Variants in SRP68 observed in about 807,000 individuals in gnomAD.
The protein encoded by SRP68 is signal recognition particle subunit SRP68.
SRP68 carries 15 observed loss-of-function variants against 82.2 expected under a neutral mutation model. The ratio of observed to expected loss-of-function variants is 0.18; its 90% CI spans 0.12 to 0.28. The LOEUF (loss-of-function observed/expected upper bound fraction) is 0.28, where lower values mean the gene tolerates loss of function less well. Among genes scored for constraint, SRP68 ranks in the 10% least tolerant of loss-of-function variants. SRP68 has a pLI of 1.00. For missense variants in SRP68, 595 were observed against 780.5 expected, an observed-to-expected ratio of 0.76 and a Z score of 2.83; for synonymous variants, 261 against 292.6, an observed-to-expected ratio of 0.89 and a Z score of 1.10.
chr17:76,055,869 G>GTGA (rs1375290081), intron 8 of SRP68, among the ~76,000 whole-genome samples: 2 of 135,362 alleles, frequency 1.5e-5, no homozygotes, highest in Non-Finnish European at 1.5e-5. Flanking sequence ...GCATAGTGGT[G>GTGA]TGATTTCAGC....
chr17:76,072,127 G>C lies in SRP68; in HGVS notation c.184+181C>G. The C allele has an allele frequency of 1.6e-6, 2 of 1,215,744 alleles. No homozygotes were observed. Among genetic ancestry groups the C allele is most frequent in the Non-Finnish European group, 2.3e-6 (2 of 882,424 alleles). The allele number at this position is 1,215,744 out of a possible 1,614,324, so 75.3% of individuals were successfully genotyped here. A position where few individuals can be genotyped will look rare whatever the true frequency, so the allele number is the denominator to read the frequency against. On this transcript the variant is annotated intron_variant, in intron 1 of 15. Transcript: ENST00000307877. The surrounding 1 kb of genome is among the most constrained non-coding windows in gnomAD (Gnocchi z 4.5). ...GCCAGGACGGCGAGGGGGACACGAGGAAAGACTAGTCGAGAGACAGACCCC... is the reference window on the plus strand; with the variant it reads ...GCCAGGACGGCGAGGGGGACACGAGCAAAGACTAGTCGAGAGACAGACCCC...
chr17:76,053,704 C>T (rs1212415011), intron 8 of SRP68: 1 of 938,448 alleles, frequency 1.1e-6, no homozygotes, highest in Non-Finnish European at 1.3e-6. Flanking sequence ...TTACGACGCC[C>T]ACACTGCAAT....
chr17:76,045,028 CA>C, intron 12 of SRP68: 1 of 309,650 alleles, frequency 3.2e-6, no homozygotes, highest in Non-Finnish European at 6.0e-6. Flanking sequence ...AAGTGTGAGC[CA>C]CCGCGCCCAG....
In SRP68 at chr17:76,072,262, T is replaced by C; in HGVS notation, c.184+46A>G. Reference sequence around the variant, plus strand: ...GCCTCTCCCGCCCCCAGCCCTCCAGTTCGACACGTAATCATTGCGAGTTAG... The same window carrying C: ...GCCTCTCCCGCCCCCAGCCCTCCAGCTCGACACGTAATCATTGCGAGTTAG... On this transcript the variant is annotated intron_variant, in intron 1 of 15. Transcript: ENST00000307877. The surrounding 1 kb of genome is among the most constrained non-coding windows in gnomAD (Gnocchi z 4.5). 1 of 1,601,404 alleles carries C rather than the reference T, an allele frequency of 6.2e-7. No homozygotes were observed. The highest frequency in any genetic ancestry group is 1.7e-5 in the Admixed American group (1 of 58,194).
chr17:76,049,429 G>A (rs965053705), intron 9 of SRP68: 3 of 152,230 alleles, frequency 2.0e-5, no homozygotes, highest in African/African-American at 7.2e-5. Context: ...CAAGTGTGCG[G>A]AGGGAGGGGA....
rs1434671951 is a variant in SRP68 at position 76,072,269 on chromosome 17, C to T, written c.184+39G>A. ...CCGCCCCCAGCCCTCCAGTTCGACA[C>T]GTAATCATTGCGAGTTAGGCCCGAT... On this transcript the variant is annotated intron_variant, in intron 1 of 15. Transcript: ENST00000307877. This position sits in a 1 kb window ranked among gnomAD's most constrained non-coding sequence, Gnocchi z 4.5. 2 of 1,605,194 alleles carry T rather than the reference C, an allele frequency of 1.2e-6. No homozygotes were observed. The highest frequency in any genetic ancestry group is 3.4e-5 in the Admixed American group (2 of 58,700).
rs982275968 is a variant in SRP68, at chr17:76,040,658, C to T, written c.1601-184G>A. ...AACAGATCAATCCCAGATCCAATGC[C>T]GTCGGCCCAGTGAAGCCAGCACAGT... On this transcript the variant is annotated intron_variant, in intron 14 of 15. Coordinates refer to ENST00000307877, the MANE Select transcript of SRP68 (RefSeq NM_014230.4). 25 of 689,314 alleles carry T rather than the reference C, an allele frequency of 3.6e-5. 1 individual carries two copies. Among genetic ancestry groups the T allele is most frequent in the South Asian group, 1.6e-4 (9 of 56,116 alleles). 42.7% of individuals were successfully genotyped at this position (689,314 alleles called of 1,614,324 possible).
At chr17:76,055,212 C>A (rs1489921484) in intron 8 of SRP68, among the ~76,000 whole-genome samples, 1 of 152,058 alleles carries the variant, frequency 6.6e-6, no homozygotes, top group Non-Finnish European at 1.5e-5. Flanking sequence ...GGTAATCCGC[C>A]AGCCTTGGCC....
In SRP68 at chr17:76,039,635, G is replaced by T; in HGVS notation, c.*71C>A. The T allele has an allele frequency of 1.4e-6, 2 of 1,464,284 alleles. No homozygotes were observed. Among genetic ancestry groups the T allele is most frequent in the South Asian group, 2.4e-5 (2 of 82,332 alleles). 90.7% of individuals were successfully genotyped at this position (1,464,284 alleles called of 1,614,324 possible). A position where few individuals can be genotyped will look rare whatever the true frequency, so the allele number is the denominator to read the frequency against. ...ATGCAGACCTGGATTTAATATCATG[G>T]AACTTGCTGGGATTTTCTCACAATA... is the stretch of plus-strand genomic sequence containing the variant. On this transcript the variant is annotated 3_prime_UTR_variant, in exon 16 of 16. Coordinates refer to ENST00000307877, the MANE Select transcript of SRP68 (RefSeq NM_014230.4).
At chr17:76,056,262 C>A (rs772629695) in intron 8 of SRP68, among the ~76,000 whole-genome samples, 12 of 152,208 alleles carry the variant, frequency 7.9e-5, no homozygotes, top group Admixed American at 4.6e-4. Flanking sequence ...TCCTGCCCCA[C>A]TGTCTCTGCT....
chr17:76,058,067 G>A (rs1272303072), intron 7 of SRP68, among the ~76,000 whole-genome samples: 1 of 151,380 alleles, frequency 6.6e-6, no homozygotes, highest in South Asian at 2.1e-4. Context: ...CCAACTCCTG[G>A]GCTCAAGTGA....
At chr17:76,064,772 C>T (rs935259584) in intron 3 of SRP68, among the ~76,000 whole-genome samples, 3 of 139,624 alleles carry the variant, frequency 2.1e-5, no homozygotes, top group Admixed American at 7.9e-5. Flanking sequence ...ACCGAGGAGG[C>T]GGAGGTTGCA....
intron 2 of SRP68, 105 bp from the exon 3 acceptor site, chr17:76,067,435 A>G (rs1010745140): frequency 1.3e-5 from 10 of 768,780 alleles, no homozygotes; most frequent in Non-Finnish European, 1.6e-5. Flanking sequence ...GGGATATTAT[A>G]CTTATGGTTA....
chr17:76,062,026 C>T (rs2144517246), intron 4 of SRP68, among the ~76,000 whole-genome samples: 1 of 151,888 alleles, frequency 6.6e-6, no homozygotes, highest in South Asian at 2.1e-4. Flanking sequence ...GTGGCTCATG[C>T]CTGTAATCCC....
rs771040745 is a variant in SRP68, at chr17:76,064,025, C to T, written c.512G>A (p.Arg171His). 1.2e-6 allele frequency: 2 copies of T among 1,614,214 alleles called. No individual in the cohort carries two copies. The highest frequency in any genetic ancestry group is 2.2e-5 in the East Asian group (1 of 44,886). ...ATCCACGCGATTGCTCTCACACAAGCGTTCCAATTCCTCTGCATGCTTCAC... is the reference window on the plus strand; with the variant it reads ...ATCCACGCGATTGCTCTCACACAAGTGTTCCAATTCCTCTGCATGCTTCAC... ...KAVKHAEELE[R>H]LCESNRVDAK... Residue 171 changes from arginine (R) to histidine (H), a missense_variant, in exon 4 of 16, where the codon CGC becomes CAC. Arg to His is a conservative substitution (Grantham distance 29, BLOSUM62 0). This residue lies in a region of SRP68 where 495 missense variants were observed against 688.6 expected (regional missense o/e 0.72). Coordinates refer to ENST00000307877, the MANE Select transcript of SRP68 (RefSeq NM_014230.4).
rs777961118 is a variant in SRP68 at position 76,060,361 on chromosome 17, G to T, written c.784C>A (p.Gln262Lys). 1 of 1,611,432 alleles carries T rather than the reference G, an allele frequency of 6.2e-7. No homozygotes were observed. Among genetic ancestry groups the T allele is most frequent in the South Asian group, 1.1e-5 (1 of 90,926 alleles). Residue 262 changes from glutamine (Q) to lysine (K), a missense_variant, in exon 7 of 16, where the codon CAG becomes AAG. This residue lies in a region of SRP68 where 495 missense variants were observed against 688.6 expected (regional missense o/e 0.72). Transcript: ENST00000307877. The part of the protein sequence containing the change: ...GDQSAINELM[Q>K]MRLRSGGTEG... ...GTGCCCCCAGACCTCAATCTCATCTGCATGAGTTCATTGATGGCTGACTGG... is the reference window on the plus strand; with the variant it reads ...GTGCCCCCAGACCTCAATCTCATCTTCATGAGTTCATTGATGGCTGACTGG...
intron 4 of SRP68, among the ~76,000 whole-genome samples, chr17:76,062,827 G>T (rs1251446642): frequency 7.4e-6 from 1 of 134,974 alleles, no homozygotes; most frequent in African/African-American, 2.9e-5. Context: ...CTGGAGCGCA[G>T]TGGCACAATC....
chr17:76,058,706 A>G (rs951510036), intron 7 of SRP68, among the ~76,000 whole-genome samples: 20 of 152,256 alleles, frequency 1.3e-4, no homozygotes, highest in African/African-American at 4.8e-4. Context: ...TGTATACGCT[A>G]CAAGCAGGAA....
chr17:76,063,551 G>A (rs1310091320), intron 4 of SRP68, among the ~76,000 whole-genome samples: 3 of 152,096 alleles, frequency 2.0e-5, no homozygotes, highest in Admixed American at 6.6e-5. Flanking sequence ...AGCCAGGCGT[G>A]GTGGCACGTG....
Sources: allele counts gnomAD v4.1 joint callset (sites outside exome capture counted in the v4.1 genomes callset), GRCh38; gene constraint gnomAD v4.1.1; regional missense constraint gnomAD v4.1.1; non-coding constraint Gnocchi (gnomAD v3.1); transcripts MANE v1.5; gene names NCBI Gene and HGNC (gene_info 2026-07-23, HGNC 2026-07-21).